ALOX15: variants seen among roughly 807,000 people sequenced by gnomAD.
ALOX15 encodes arachidonate 15-lipoxygenase.
Under a neutral mutation model 71.7 loss-of-function variants are expected in ALOX15, and 68 were observed. That is an observed-to-expected ratio of 0.95 (90% CI 0.78 to 1.16). The LOEUF is 1.16. Among genes scored for constraint, ALOX15 ranks in the 50% most tolerant of loss-of-function variants. The probability of loss-of-function intolerance (pLI) is 0.00; values close to 1 mark genes in which losing one functional copy is unlikely to be tolerated. For synonymous variants in ALOX15, 346 were observed against 333.3 expected (o/e 1.04, Z -0.42); for missense variants, 798 against 818.8 (o/e 0.97, Z 0.31).
At chr17:4,635,446 AT>A (rs1369637356) in intron 8 of ALOX15, among the ~76,000 whole-genome samples, 4 of 147,982 alleles carry the variant, frequency 2.7e-5, no homozygotes, top group Admixed American at 6.7e-5. Flanking sequence ...AAAAAAAAAA[AT>A]CAATGTCTGG....
chr17:4,641,334 C>CT (rs1761172181), intron 1 of ALOX15, among the ~76,000 whole-genome samples, 183 bp downstream of exon 1: 1 of 152,236 alleles, frequency 6.6e-6, no homozygotes, highest in Non-Finnish European at 1.5e-5. Context: ...TGAGCGCTTA[C>CT]TGTGTGCCAC....
chr17:4,635,622 T>C lies in ALOX15; in HGVS notation c.1161+137A>G, dbSNP rs1911069366. On this transcript the variant is annotated intron_variant, in intron 8 of 13. Transcript: ENST00000293761. ...AAAATGCATGGCCAGCCCTGCTCATTCTCTGTTGCTCTCACATTGTCCATT... is the reference window on the plus strand; with the variant it reads ...AAAATGCATGGCCAGCCCTGCTCATCCTCTGTTGCTCTCACATTGTCCATT... 3.6e-6 allele frequency: 3 copies of C among 834,494 alleles called. No homozygotes were observed. The Admixed American group carries it at 7.4e-5, about 21-fold the overall frequency. 51.7% of individuals were successfully genotyped at this position (834,494 alleles called of 1,614,324 possible).
chr17:4,638,835 T>A lies in ALOX15; in HGVS notation c.542+15A>T. 1.2e-6 allele frequency: 2 copies of A among 1,614,086 alleles called. No homozygotes were observed. Among genetic ancestry groups the A allele is most frequent in the Non-Finnish European group, 1.7e-6 (2 of 1,180,004 alleles). ...CAGGACACCTCCCTCTCACCCAGCC[T>A]CCCCTTGCTCTCACCCCTTGGCCAG... On this transcript the variant is annotated intron_variant, in intron 4 of 13. Coordinates refer to ENST00000293761, the MANE Select transcript of ALOX15 (RefSeq NM_001140.5).
In ALOX15 at chr17:4,633,217, G is replaced by T. The variant is rs750817963; in HGVS notation, c.1347C>A (p.Asp449Glu). Residue 449 changes from aspartate to glutamate, a missense_variant, in exon 10 of 14, where the codon GAC becomes GAA. Asp to Glu is a conservative substitution (Grantham distance 45). This residue lies in a region of ALOX15 where 490 missense variants were observed against 509.4 expected (regional missense o/e 0.96). Coordinates refer to ENST00000293761, the MANE Select transcript of ALOX15 (RefSeq NM_001140.5). ...AAGACTTCACTCCCAGGAGCCCCCGGTCGGCCAAGTCATCAGGGGGACAGA... is the reference window on the plus strand; with the variant it reads ...AAGACTTCACTCCCAGGAGCCCCCGTTCGGCCAAGTCATCAGGGGGACAGA... The part of the protein sequence containing the change: ...SSFCPPDDLA[D>E]RGLLGVKSSF... The T allele has an allele frequency of 6.2e-7, 1 of 1,614,172 alleles. No individual in the cohort carries two copies. The highest frequency in any genetic ancestry group is 8.5e-7 in the Non-Finnish European group (1 of 1,180,036).
chr17:4,639,794 C>G (rs1034893719), intron 1 of ALOX15, 163 bp from the exon 2 acceptor site: 3 of 655,310 alleles, frequency 4.6e-6, no homozygotes, highest in Non-Finnish European at 7.6e-6. Flanking sequence ...CCGCGCCGAG[C>G]AGGTGGCCCC....
intron 8 of ALOX15, among the ~76,000 whole-genome samples, chr17:4,635,288 G>C (rs539532280): frequency 7.3e-5 from 11 of 151,634 alleles, no homozygotes; most frequent in Non-Finnish European, 1.6e-4. Flanking sequence ...AAAAAAATTA[G>C]CCAGGCCTGG....
At chr17:4,641,313 G>A (rs1911318537) in intron 1 of ALOX15, among the ~76,000 whole-genome samples, 2 of 152,196 alleles carry the variant, frequency 1.3e-5, no homozygotes, top group Admixed American at 1.3e-4. Flanking sequence ...TCGGGTAGCG[G>A]CAACATTTAT....
chr17:4,634,697 G>A (rs1415495226), intron 8 of ALOX15, among the ~76,000 whole-genome samples: 2 of 151,836 alleles, frequency 1.3e-5, no homozygotes, highest in African/African-American at 2.4e-5. Context: ...AATAAGATTT[G>A]GCCGGCCACG....
chr17:4,632,903 G>A lies in ALOX15; in HGVS notation c.1498C>T (p.Arg500Ter), dbSNP rs765155392. 62 of 1,613,946 alleles carry A rather than the reference G, an allele frequency of 3.8e-5. No individual in the cohort carries two copies. The Admixed American group carries it at 7.2e-4, about 19-fold the overall frequency. The change falls in exon 11 of 14, where the codon CGA (arginine) becomes TGA (stop). Residue 500 changes from arginine (R) to a stop codon, truncating the protein, a stop_gained. Transcript: ENST00000293761. LOFTEE classifies it high-confidence loss of function. ...TGCAGCCCGATTTCAGTGATCTCTC[G>A]ACACCAGGTCTGCAGCTCTGGGTCG... The part of the protein sequence containing the change: ...KDDPELQTWC[R>*]EITEIGLQGA...
chr17:4,638,283 A>G lies in ALOX15; in HGVS notation c.741T>C (p.Leu247=). The change falls in exon 6 of 14, where the codon CTT becomes CTC. Residue 247 remains leucine (L), a synonymous_variant. Transcript: ENST00000293761. ...CTGGAGGGAACACTAGGCGAGCAGGAAGGTGAGCAGAGCGCCTCAGCACCA... is the reference window on the plus strand; with the variant it reads ...CTGGAGGGAACACTAGGCGAGCAGGGAGGTGAGCAGAGCGCCTCAGCACCA... ...NPVVLRRSAH[L]PARLVFPPGM... 1.3e-6 allele frequency: 1 copy of G among 741,866 alleles called. No homozygotes were observed. Among genetic ancestry groups the G allele is most frequent in the Non-Finnish European group, 2.3e-6 (1 of 443,328 alleles). 46.0% of individuals were successfully genotyped at this position (741,866 alleles called of 1,614,324 possible).
chr17:4,639,294 G>A (rs1241869753), intron 2 of ALOX15, 136 bp downstream of exon 2: 5 of 1,323,632 alleles, frequency 3.8e-6, no homozygotes, highest in East Asian at 4.7e-5. Context: ...TGCAGCCACC[G>A]CCCCTTCGAC....
At position 4,635,772 on chromosome 17, in the gene ALOX15, T is replaced by A. The variant is rs372810070; in HGVS notation, c.1148A>T (p.His383Leu). 1 of 1,614,002 alleles carries A rather than the reference T, an allele frequency of 6.2e-7. No individual in the cohort carries two copies. Among genetic ancestry groups the A allele is most frequent in the Non-Finnish European group, 8.5e-7 (1 of 1,180,028 alleles). The stretch of plus-strand genomic sequence containing the variant: ...ATAAGGAGTTACCTTGAAGATAGGA[T>A]GTATCGACGGCAGGCACCTCATGGT... ...VATMRCLPSI[H>L]PIFKLIIPHL... The change falls in exon 8 of 14, where the codon CAT becomes CTT. Residue 383 changes from histidine (H) to leucine (L), a missense_variant. By Grantham distance (99) the His-to-Leu change is moderately conservative. Transcript: ENST00000293761.
In ALOX15 at chr17:4,641,667, T is replaced by C; in HGVS notation, c.-16A>G. The C allele has an allele frequency of 6.5e-7, 1 of 1,535,872 alleles. No individual in the cohort carries two copies. Among genetic ancestry groups the C allele is most frequent in the Non-Finnish European group, 8.7e-7 (1 of 1,149,322 alleles). ...AGAGACCCATCTTGCTCAAAGATGT[T>C]TCGCTCCTTCTGGTGGAGAAGGGTG... On this transcript the variant is annotated 5_prime_UTR_variant, in exon 1 of 14. Transcript: ENST00000293761.
chr17:4,631,637 AG>A lies in ALOX15; in HGVS notation c.1951del (p.Leu651CysfsTer30), dbSNP rs1226097415. 3.7e-6 allele frequency: 6 copies of A among 1,613,744 alleles called. No homozygotes were observed. The highest frequency in any genetic ancestry group is 1.7e-5 in the Admixed American group (1 of 59,992). Reference protein sequence around the residue: ...NAKLDMPYEYLRPSVVENSVA... With the variant: ...NAKLDMPYEYXRPSVVENSVA... ...ACTGTTTTCCACCACGCTGGGCCGC[AG>A]GTACTCGTAGGGCATGTCCAGCTTT... is the stretch of plus-strand genomic sequence containing the variant. On this transcript the variant is annotated frameshift_variant, in exon 14 of 14. Transcript: ENST00000293761. LOFTEE classifies it high-confidence loss of function.
rs1480944598 is a variant in ALOX15 at position 4,639,598 on chromosome 17, G to C, written c.169C>G (p.Leu57Val). 1.9e-6 allele frequency: 3 copies of C among 1,613,848 alleles called. No homozygotes were observed. Among genetic ancestry groups the C allele is most frequent in the Non-Finnish European group, 2.5e-6 (3 of 1,179,906 alleles). ...AGTTTCACAAACAGCAGCGGCCCCA[G>C]ATACTCCGGTACTTCCACCTTGAGT... ...TELKVEVPEY[L>V]GPLLFVKLRK... The change falls in exon 2 of 14, where the codon CTG becomes GTG. Residue 57 changes from leucine to valine, a missense_variant. Around this residue, in one of 3 missense-constraint regions of ALOX15, gnomAD observed 300 missense variants for 283.1 expected, o/e 1.06. Transcript: ENST00000293761.
chr17:4,639,172 G>A, intron 2 of ALOX15, 40 bp from the exon 3 acceptor site: 1 of 1,610,114 alleles, frequency 6.2e-7, no homozygotes, highest in Non-Finnish European at 8.5e-7. Context: ...GACTTTTGGT[G>A]AGCGCCTCTT....
At chr17:4,635,116 G>A (rs1911051857) in intron 8 of ALOX15, among the ~76,000 whole-genome samples, 1 of 151,194 alleles carries the variant, frequency 6.6e-6, no homozygotes, top group South Asian at 2.1e-4. Flanking sequence ...ATTACACTAG[G>A]CTTCTTTCAG....
chr17:4,631,997 G>T lies in ALOX15; in HGVS notation c.1701C>A (p.Thr567=). ...APCTMRLPPP[T]TKDATLETVM... is the part of the protein sequence containing the mutation. ...CTGTCTCCAGCGTTGCATCCTTGGT[G>T]GTTGGCGGGGGCAGCCGCATCGTGC... The change falls in exon 13 of 14, where the codon ACC becomes ACA. Residue 567 remains threonine, a synonymous_variant. Coordinates refer to ENST00000293761, the MANE Select transcript of ALOX15 (RefSeq NM_001140.5). The T allele has an allele frequency of 6.2e-7, 1 of 1,614,044 alleles. No homozygotes were observed. The highest frequency in any genetic ancestry group is 8.5e-7 in the Non-Finnish European group (1 of 1,180,004).
Position 4,635,919 on chromosome 17 carries a change from G to A in ALOX15, c.1001C>T (p.Thr334Met), listed in dbSNP as rs376786553. The A allele has an allele frequency of 1.8e-5, 29 of 1,614,192 alleles. No homozygotes were observed. In the East Asian group the frequency reaches 2.2e-4, roughly 12 times the overall value. ...CAGAAGCCAGGCCATTGGGGGATCC[G>A]TAGGCAAGAAAAGGGGAGGTGGTGG... ...GSPPPPLFLP[T>M]DPPMAWLLAK... The change falls in exon 8 of 14, where the codon ACG (threonine) becomes ATG (methionine). Residue 334 changes from threonine (T) to methionine (M), a missense_variant. By Grantham distance (81) the Thr-to-Met change is moderately conservative. Transcript: ENST00000293761.
Sources: gnomAD v4.1 joint callset for allele counts (sites outside exome capture counted in the v4.1 genomes callset) on GRCh38, gnomAD v4.1.1 for gene constraint, gnomAD v4.1.1 regional missense constraint, MANE v1.5 for transcripts, NCBI Gene and HGNC (gene_info 2026-07-23, HGNC 2026-07-21) for gene names.